CMKLR1: variants seen among roughly 807,000 people sequenced by gnomAD.
CMKLR1 encodes the protein chemerin chemokine-like receptor 1.
In CMKLR1, 6 loss-of-function variants were observed where a neutral mutation model predicts 8.2. That is an observed-to-expected ratio of 0.73 (90% CI 0.40 to 1.44). The LOEUF (loss-of-function observed/expected upper bound fraction) is 1.44, where lower values mean the gene tolerates loss of function less well. Ranked by LOEUF, CMKLR1 falls within the 40% of genes most tolerant of loss-of-function variation. The probability of loss-of-function intolerance (pLI) is 0.02; values close to 1 mark genes in which losing one functional copy is unlikely to be tolerated. For missense variants in CMKLR1, 429 were observed against 478.0 expected (o/e 0.90, Z 0.96); for synonymous variants, 178 against 181.2 (o/e 0.98, Z 0.14).
chr12:108,295,170 G>A (rs1891099688), intron 2 of CMKLR1, among the ~76,000 whole-genome samples: 1 of 152,234 alleles, frequency 6.6e-6, no homozygotes, highest in Non-Finnish European at 1.5e-5. Context: ...TGCACATTGA[G>A]CTCTTGTGTA....
intron 2 of CMKLR1, among the ~76,000 whole-genome samples, chr12:108,323,261 G>T (rs567901369): frequency 2.0e-5 from 3 of 152,330 alleles, no homozygotes; most frequent in East Asian, 3.9e-4. Flanking sequence ...AAATAGGTGA[G>T]ACATAGACTC....
rs11113815 is a variant in CMKLR1, at chr12:108,319,663, G to A, written c.-74+10332C>T. Among the ~76,000 whole-genome samples the A allele has an allele frequency of 5.4e-4, 82 of 152,202 alleles. 1 individual carries two copies. Among genetic ancestry groups the A allele is most frequent in the African/African-American group, 1.9e-3 (77 of 41,524 alleles). ...GCTAGAATAATAATACCTGGCCCATGGTATGTTCTCAGTATATTATCCATT... is the reference window on the plus strand; with the variant it reads ...GCTAGAATAATAATACCTGGCCCATAGTATGTTCTCAGTATATTATCCATT... On this transcript the variant is annotated intron_variant, in intron 2 of 3. Coordinates refer to ENST00000550402, the MANE Select transcript of CMKLR1 (RefSeq NM_001142343.2).
chr12:108,309,053 A>T (rs1891483509), intron 2 of CMKLR1, among the ~76,000 whole-genome samples: 1 of 152,162 alleles, frequency 6.6e-6, no homozygotes, highest in Non-Finnish European at 1.5e-5. Flanking sequence ...AAGTCATCAC[A>T]CTTCTCTGTG....
rs551773749 is a variant in CMKLR1 at position 108,316,362 on chromosome 12, G to A, written c.-74+13633C>T. Among the ~76,000 whole-genome samples the A allele has an allele frequency of 7.2e-5, 11 of 152,276 alleles. No homozygotes were observed. The South Asian group carries it at 1.0e-3, about 14-fold the overall frequency. On this transcript the variant is annotated intron_variant, in intron 2 of 3. Transcript: ENST00000550402. Reference sequence around the variant, plus strand: ...CAGCCAAGAAAGAGCAGAGAGAACAGAGGATGACACCTCCTCAACGTAGAC... The same window carrying A: ...CAGCCAAGAAAGAGCAGAGAGAACAAAGGATGACACCTCCTCAACGTAGAC...
rs1002603918 is a variant in CMKLR1, at chr12:108,316,694, C to T, written c.-74+13301G>A. 6.6e-5 allele frequency among the ~76,000 whole-genome samples: 10 copies of T among 152,312 alleles called. No individual in the cohort carries two copies. In the East Asian group the frequency reaches 7.7e-4, roughly 12 times the overall value. ...CTGGGGTGAGGGCCATTTGCTATTG[C>T]ATTTGCATACATTTAAAAGCACAGG... is the stretch of plus-strand genomic sequence containing the variant. On this transcript the variant is annotated intron_variant, in intron 2 of 3. Coordinates refer to ENST00000550402, the MANE Select transcript of CMKLR1 (RefSeq NM_001142343.2).
intron 2 of CMKLR1, among the ~76,000 whole-genome samples, chr12:108,295,958 C>A (rs1439746900): frequency 6.6e-6 from 1 of 152,176 alleles, no homozygotes. Flanking sequence ...CTGGGCATGT[C>A]CCTCCTTCCA....
intron 2 of CMKLR1, among the ~76,000 whole-genome samples, chr12:108,305,333 C>T (rs561315217): frequency 1.3e-5 from 2 of 152,232 alleles, no homozygotes; most frequent in Non-Finnish European, 2.9e-5. Context: ...AGCATCAGCT[C>T]GGGATTTGAA....
intron 2 of CMKLR1, among the ~76,000 whole-genome samples, chr12:108,295,642 C>G (rs975036684): frequency 2.0e-5 from 3 of 152,164 alleles, no homozygotes; most frequent in Admixed American, 1.3e-4. Context: ...GTTTTAAGGA[C>G]AAGTATGAGT....
rs117614961 is a variant in CMKLR1, at chr12:108,334,954, G to C, written c.-287+4073C>G. Among the ~76,000 whole-genome samples the C allele has an allele frequency of 7.0e-3, 1,070 of 152,292 alleles. 6 individuals carry two copies. Among genetic ancestry groups the C allele is most frequent in the Non-Finnish European group, 0.011 (774 of 68,014 alleles). On this transcript the variant is annotated intron_variant, in intron 1 of 3. Coordinates refer to ENST00000550402, the MANE Select transcript of CMKLR1 (RefSeq NM_001142343.2). ...CTTTTTCCAGGGGGAAAAGAGAATGGCAGTTGCCTATGTTTCAGAAAAATC... is the reference window on the plus strand; with the variant it reads ...CTTTTTCCAGGGGGAAAAGAGAATGCCAGTTGCCTATGTTTCAGAAAAATC...
chr12:108,308,943 G>A (rs1891481101), intron 2 of CMKLR1, among the ~76,000 whole-genome samples: 1 of 152,192 alleles, frequency 6.6e-6, no homozygotes, highest in African/African-American at 2.4e-5. Context: ...GGTGACAGAT[G>A]CTAAACAGTC....
intron 3 of CMKLR1, among the ~76,000 whole-genome samples, 167 bp downstream of exon 3, chr12:108,293,422 C>T (rs1384829244): frequency 6.6e-6 from 1 of 152,160 alleles, no homozygotes; most frequent in African/African-American, 2.4e-5. Context: ...ATAATGGGAA[C>T]ATTGCAATAA....
chr12:108,332,535 G>C (rs575966552), intron 1 of CMKLR1, among the ~76,000 whole-genome samples: 1 of 152,252 alleles, frequency 6.6e-6, no homozygotes, highest in Non-Finnish European at 1.5e-5. Flanking sequence ...AATCTAATTA[G>C]CTTCCAGAGA....
At chr12:108,336,253 ACACT>A (rs1455667171) in intron 1 of CMKLR1, among the ~76,000 whole-genome samples, 3 of 149,788 alleles carry the variant, frequency 2.0e-5, no homozygotes, top group Non-Finnish European at 4.5e-5. Flanking sequence ...GCTTTAAGAA[ACACT>A]CACAATTGGC....
chr12:108,327,929 C>G (rs1892019214), intron 2 of CMKLR1, among the ~76,000 whole-genome samples: 2 of 152,116 alleles, frequency 1.3e-5, no homozygotes. Context: ...GTCCGGGGTC[C>G]CAGCCTGACA....
intron 2 of CMKLR1, among the ~76,000 whole-genome samples, chr12:108,305,998 C>T (rs1462373721): frequency 1.3e-5 from 2 of 152,258 alleles, no homozygotes; most frequent in Non-Finnish European, 2.9e-5. Flanking sequence ...ACGCCACTGC[C>T]TGGCATCCTC....
chr12:108,333,411 G>A (rs541602677), intron 1 of CMKLR1, among the ~76,000 whole-genome samples: 166 of 152,254 alleles, frequency 1.1e-3, no homozygotes, highest in African/African-American at 3.9e-3. Flanking sequence ...AGACATGGAG[G>A]CAAGAGACTA....
chr12:108,322,933 A>C (rs932678049), intron 2 of CMKLR1, among the ~76,000 whole-genome samples: 13 of 152,150 alleles, frequency 8.5e-5, no homozygotes, highest in African/African-American at 3.1e-4. Context: ...TGCCAGGTGC[A>C]TTCTCCCCCT....
rs1891010260 is a variant in CMKLR1 at position 108,292,448 on chromosome 12, G to GA, written c.514dup (p.Ser172PhefsTer44). 1 of 1,614,038 alleles carries GA rather than the reference G, an allele frequency of 6.2e-7. No homozygotes were observed. The highest frequency in any genetic ancestry group is 1.7e-5 in the Admixed American group (1 of 59,998). On this transcript the variant is annotated frameshift_variant, in exon 4 of 4. Transcript: ENST00000550402. LOFTEE classifies it low-confidence loss of function (END_TRUNC). ...TGTGTCCCGGAAGACGAGAGATGGG[G>GA]AACTCAAGAAGAAAGCCAGGACCCA...
At chr12:108,334,627 A>C (rs1312557468) in intron 1 of CMKLR1, among the ~76,000 whole-genome samples, 3 of 152,220 alleles carry the variant, frequency 2.0e-5, no homozygotes, top group Non-Finnish European at 2.9e-5. Flanking sequence ...AGCCCAAGGA[A>C]AATCCCGACT....
Sources: allele counts gnomAD v4.1 joint callset (sites outside exome capture counted in the v4.1 genomes callset), GRCh38; gene constraint gnomAD v4.1.1; transcripts MANE v1.5; gene names NCBI Gene and HGNC (gene_info 2026-07-23, HGNC 2026-07-21).